The following FANCC variants were observed in gnomAD, a reference collection of about 807,000 sequenced individuals.
The protein encoded by FANCC is Fanconi anemia group C protein.
A neutral mutation model predicts 71.3 loss-of-function variants in FANCC; 55 were observed. The ratio of observed to expected loss-of-function variants is 0.77; its 90% CI spans 0.62 to 0.97. The LOEUF is 0.97. FANCC is among the 50% of genes least tolerant of loss of function. The pLI is 0.00. For missense variants in FANCC, 678 were observed against 670.9 expected, an observed-to-expected ratio of 1.01 and a Z score of -0.12; for synonymous variants, 275 against 244.9, an observed-to-expected ratio of 1.12 and a Z score of -1.15.
intron 3 of FANCC, among the ~76,000 whole-genome samples, chr9:95,243,826 A>G (rs761962407): frequency 3.3e-5 from 5 of 152,156 alleles, no homozygotes; most frequent in Non-Finnish European, 7.4e-5. Context: ...ATAAAACCAT[A>G]AGAAAAGATC....
chr9:95,317,465 T>A (rs979782139), intron 1 of FANCC, 61 bp downstream of exon 1: 1 of 152,370 alleles, frequency 6.6e-6, no homozygotes, highest in Non-Finnish European at 1.5e-5. Flanking sequence ...GCCGCTGACG[T>A]GTCGGCCAGA....
chr9:95,216,449 T>C (rs1425087419), intron 4 of FANCC, among the ~76,000 whole-genome samples: 3 of 152,212 alleles, frequency 2.0e-5, no homozygotes, highest in East Asian at 1.9e-4. Context: ...CAGAAGACTA[T>C]AGGGACCTGA....
At chr9:95,142,228 G>C (rs536112392) in intron 7 of FANCC, among the ~76,000 whole-genome samples, 4 of 151,952 alleles carry the variant, frequency 2.6e-5, no homozygotes, top group Admixed American at 6.6e-5. Flanking sequence ...CCTGACCTCA[G>C]GTGATCCACC....
At chr9:95,305,222 G>A (rs1835004200) in intron 1 of FANCC, among the ~76,000 whole-genome samples, 1 of 152,152 alleles carries the variant, frequency 6.6e-6, no homozygotes. Context: ...CAAAGAATTA[G>A]GCCAAAGCCC....
Position 95,221,232 on chromosome 9 carries a change from G to A in FANCC, c.345+19417C>T, listed in dbSNP as rs1179468099. ...AAAAAAACAAAAACAAAAACAAAAA[G>A]CCACACACAAAATCTGTCTGAAATT... On this transcript the variant is annotated intron_variant, in intron 4 of 14. Transcript: ENST00000289081. Among the ~76,000 whole-genome samples the A allele has an allele frequency of 4.6e-5, 7 of 151,932 alleles. No individual in the cohort carries two copies. In the East Asian group the frequency reaches 1.4e-3, roughly 29 times the overall value.
intron 1 of FANCC, among the ~76,000 whole-genome samples, chr9:95,285,796 T>C (rs564141469): frequency 3.9e-5 from 6 of 152,188 alleles, no homozygotes; most frequent in African/African-American, 9.6e-5. Context: ...TCAAAAAACT[T>C]TGAATGTGTT....
At chr9:95,314,795 T>C (rs947781999) in intron 1 of FANCC, among the ~76,000 whole-genome samples, 5 of 152,076 alleles carry the variant, frequency 3.3e-5, no homozygotes, top group African/African-American at 1.2e-4. Context: ...CACTGAAAAT[T>C]ACTAAATACT....
Position 95,171,933 on chromosome 9 carries a change from G to A in FANCC, c.456+104C>T. The A allele has an allele frequency of 3.9e-6, 3 of 769,090 alleles. No homozygotes were observed. The South Asian group carries it at 4.5e-5, about 12-fold the overall frequency. 47.6% of individuals were successfully genotyped at this position (769,090 alleles called of 1,614,324 possible). A position where few individuals can be genotyped will look rare whatever the true frequency, so the allele number is the denominator to read the frequency against. ...GGTAAGAAGAGATAAACAAAGAAAA[G>A]TTAAACATCTCTTCTGGAGGACTGA... On this transcript the variant is annotated intron_variant, in intron 5 of 14. Coordinates refer to ENST00000289081, the MANE Select transcript of FANCC (RefSeq NM_000136.3).
chr9:95,296,164 AAATC>A (rs921196758), intron 1 of FANCC, among the ~76,000 whole-genome samples: 16 of 152,240 alleles, frequency 1.1e-4, no homozygotes, highest in African/African-American at 3.6e-4. Context: ...GTGATTTTAA[AAATC>A]AAAACAAACC....
chr9:95,113,021 T>G (rs2072080751), intron 12 of FANCC, among the ~76,000 whole-genome samples: 1 of 152,210 alleles, frequency 6.6e-6, no homozygotes, highest in African/African-American at 2.4e-5. Flanking sequence ...GTGGGCTGTT[T>G]ATGCCACCTG....
At chr9:95,175,076 C>T (rs1825929526) in intron 4 of FANCC, among the ~76,000 whole-genome samples, 1 of 152,146 alleles carries the variant, frequency 6.6e-6, no homozygotes. Context: ...AAACTCTACC[C>T]TGAATCTGGG....
intron 1 of FANCC, among the ~76,000 whole-genome samples, chr9:95,306,376 T>C (rs1835069643): frequency 6.6e-6 from 1 of 152,200 alleles, no homozygotes; most frequent in South Asian, 2.1e-4. Flanking sequence ...CAGAAACTGG[T>C]TGGGCAGTAT....
At chr9:95,304,116 CA>C (rs1834928000) in intron 1 of FANCC, among the ~76,000 whole-genome samples, 1 of 152,158 alleles carries the variant, frequency 6.6e-6, no homozygotes, top group Non-Finnish European at 1.5e-5. Flanking sequence ...AACTATCAAT[CA>C]AATGTGACTA....
At chr9:95,187,797 C>T (rs1015778642) in intron 4 of FANCC, among the ~76,000 whole-genome samples, 16 of 152,056 alleles carry the variant, frequency 1.1e-4, no homozygotes, top group Admixed American at 1.0e-3. Flanking sequence ...CCGGAGTGAC[C>T]CCTTCCTCTG....
chr9:95,204,181 G>A (rs356683), intron 4 of FANCC, among the ~76,000 whole-genome samples: 28,998 of 152,124 alleles, frequency 0.19, 2,903 homozygotes, highest in East Asian at 0.3. Context: ...TTAAACTTAC[G>A]TAAAACATTG....
intron 1 of FANCC, among the ~76,000 whole-genome samples, chr9:95,252,744 CAAA>C (rs34174200): frequency 5.5e-5 from 3 of 54,836 alleles, no homozygotes; most frequent in African/African-American, 6.9e-5. Flanking sequence ...GACTCTGTCT[CAAA>C]AAAAAAAAAA....
chr9:95,178,127 G>C (rs906823887), intron 4 of FANCC, among the ~76,000 whole-genome samples: 2 of 151,996 alleles, frequency 1.3e-5, no homozygotes, highest in African/African-American at 2.4e-5. Context: ...ATGTAGCCCA[G>C]GAAAGTCAAA....
chr9:95,201,428 T>C (rs779721127), intron 4 of FANCC, among the ~76,000 whole-genome samples: 1 of 152,056 alleles, frequency 6.6e-6, no homozygotes, highest in Non-Finnish European at 1.5e-5. Flanking sequence ...AACAAAACCT[T>C]TGGAAATGTT....
In FANCC at chr9:95,171,569, G is replaced by A. The variant is rs566999958; in HGVS notation, c.457-426C>T. Among the ~76,000 whole-genome samples, 36 of 152,086 alleles carry A rather than the reference G, an allele frequency of 2.4e-4. No individual in the cohort carries two copies. The South Asian group carries it at 6.7e-3, about 28-fold the overall frequency. On this transcript the variant is annotated intron_variant, in intron 5 of 14. Transcript: ENST00000289081. ...TAGAAGAGTTACATCAAGTTTGTAA[G>A]TTAAAATTTCTCACATTTGGCTATA...
Sources: allele counts gnomAD v4.1 joint callset (sites outside exome capture counted in the v4.1 genomes callset), GRCh38; gene constraint gnomAD v4.1.1; transcripts MANE v1.5; gene names NCBI Gene and HGNC (gene_info 2026-07-23, HGNC 2026-07-21).